The following ANK2 variants were observed in gnomAD, a reference collection of about 807,000 sequenced individuals.
ANK2 encodes the protein ankyrin-2.
Under a neutral mutation model 360.5 loss-of-function variants are expected in ANK2, and 83 were observed. The ratio of observed to expected loss-of-function variants is 0.23; its 90% CI spans 0.19 to 0.28. The LOEUF (loss-of-function observed/expected upper bound fraction) is 0.28, where lower values mean the gene tolerates loss of function less well. Among genes scored for constraint, ANK2 ranks in the 10% least tolerant of loss-of-function variants. The pLI, the probability that ANK2 is intolerant of heterozygous loss-of-function variation, is 1.00. For synonymous variants in ANK2, 1,740 were observed against 1,759.5 expected (o/e 0.99, Z 0.28); for missense variants, 4,201 against 4,795.7 (o/e 0.88, Z 3.66).
At chr4:113,352,752 T>G (rs1304702765) in intron 37 of ANK2, among the ~76,000 whole-genome samples, 1 of 152,152 alleles carries the variant, frequency 6.6e-6, no homozygotes, top group African/African-American at 2.4e-5. Context: ...TTTTTGTGTG[T>G]GTATGTGCGT....
intron 2 of ANK2, among the ~76,000 whole-genome samples, chr4:113,021,166 A>G (rs77260130): frequency 0.025 from 2,321 of 93,024 alleles, 46 homozygotes; most frequent in African/African-American, 0.08. Flanking sequence ...CTTCAAAAGC[A>G]CAGAGAGGGA....
the ANK2 span, among the ~76,000 whole-genome samples, chr4:112,720,937 T>G: frequency 6.6e-6 from 1 of 151,626 alleles, no homozygotes; most frequent in Non-Finnish European, 1.5e-5. Context: ...CTAGCTGTTG[T>G]TTTTTTTGAA....
At chr4:112,763,147 G>GC in the ANK2 span, among the ~76,000 whole-genome samples, 1 of 151,962 alleles carries the variant, frequency 6.6e-6, no homozygotes, top group Non-Finnish European at 1.5e-5. Flanking sequence ...CAGCCTTGAC[G>GC]CCCCCAGGCT....
chr4:113,224,219 G>C (rs1280077498), intron 4 of ANK2, among the ~76,000 whole-genome samples: 1 of 152,162 alleles, frequency 6.6e-6, no homozygotes, highest in African/African-American at 2.4e-5. Flanking sequence ...AGTGAGGAGT[G>C]TCAAAGAATT....
rs1021744187 is a variant in ANK2 at position 113,313,186 on chromosome 4, A to C, written c.2693+1787A>C. Reference sequence around the variant, plus strand: ...TGGTAGATTTGGACCTTATACTCTGAGATTCTTAAAAGATTTCAAATTTGA... The same window carrying C: ...TGGTAGATTTGGACCTTATACTCTGCGATTCTTAAAAGATTTCAAATTTGA... On this transcript the variant is annotated intron_variant, in intron 24 of 45. Transcript: ENST00000357077. Among the ~76,000 whole-genome samples, 5 of 152,292 alleles carry C rather than the reference A, an allele frequency of 3.3e-5. No individual in the cohort carries two copies. In the South Asian group the frequency reaches 1.0e-3, roughly 32 times the overall value.
chr4:113,042,753 T>C (rs775854688), intron 2 of ANK2, among the ~76,000 whole-genome samples: 6 of 152,188 alleles, frequency 3.9e-5, no homozygotes, highest in Non-Finnish European at 7.3e-5. Flanking sequence ...TCTCCAGTGC[T>C]GTTGTTTTTG....
chr4:113,022,400 A>C (rs962291540), intron 2 of ANK2, among the ~76,000 whole-genome samples: 1 of 152,168 alleles, frequency 6.6e-6, no homozygotes. Context: ...CCAACTGGAC[A>C]GGGCTCTAGT....
chr4:112,745,224 A>G, the ANK2 span, among the ~76,000 whole-genome samples: 2 of 152,238 alleles, frequency 1.3e-5, no homozygotes, highest in African/African-American at 4.8e-5. Context: ...AACACATCAC[A>G]TAAACACATC....
intron 1 of ANK2, among the ~76,000 whole-genome samples, chr4:113,097,888 A>G (rs1256528800): frequency 2.5e-5 from 3 of 119,116 alleles, no homozygotes; most frequent in Non-Finnish European, 5.0e-5. Flanking sequence ...ACACACACAC[A>G]CACGCACACA....
At chr4:112,900,684 A>G (rs970689016) in intron 1 of ANK2, among the ~76,000 whole-genome samples, 1 of 152,130 alleles carries the variant, frequency 6.6e-6, no homozygotes. Context: ...CCCTCTTTCC[A>G]TCTTTCTCCT....
chr4:112,880,089 C>T (rs2076298749), intron 1 of ANK2, among the ~76,000 whole-genome samples: 1 of 152,130 alleles, frequency 6.6e-6, no homozygotes, highest in African/African-American at 2.4e-5. Flanking sequence ...CACACACACA[C>T]ACATATACTC....
the ANK2 span, among the ~76,000 whole-genome samples, chr4:112,772,333 A>G: frequency 7.9e-5 from 12 of 152,322 alleles, 1 homozygote; most frequent in African/African-American, 1.4e-4. Context: ...ATTTACTACT[A>G]TGAGAACAGT....
the ANK2 span, among the ~76,000 whole-genome samples, chr4:112,754,111 G>GTATATA: frequency 5.8e-3 from 647 of 111,352 alleles, 2 homozygotes; most frequent in African/African-American, 0.017. Flanking sequence ...AAAAAAAAAA[G>GTATATA]TATATATATA....
At chr4:113,315,229 T>A (rs1434330897) in intron 24 of ANK2, among the ~76,000 whole-genome samples, 2 of 152,244 alleles carry the variant, frequency 1.3e-5, no homozygotes, top group African/African-American at 4.8e-5. Flanking sequence ...ATATACCGAT[T>A]GCAAAGTGCG....
intron 43 of ANK2, chr4:113,372,729 C>A: frequency 1.3e-6 from 1 of 762,316 alleles, no homozygotes; most frequent in Admixed American, 2.6e-5. Context: ...TTAGGTAGTG[C>A]ATGGCCATTC....
chr4:113,356,089 G>T lies in ANK2; in HGVS notation c.7471G>T (p.Ala2491Ser). 1 of 1,614,072 alleles carries T rather than the reference G, an allele frequency of 6.2e-7. No homozygotes were observed. The highest frequency in any genetic ancestry group is 8.5e-7 in the Non-Finnish European group (1 of 1,179,994). Residue 2491 changes from alanine to serine, a missense_variant, in exon 38 of 46, where the codon GCA becomes TCA. Ala to Ser is a moderately conservative substitution (Grantham distance 99). Transcript: ENST00000357077. ...TTTTCCAAGTCACTTTCCTCTTCCT[G>T]CAGCTGTTGCCAAAACAGAACTCTT... is the stretch of plus-strand genomic sequence containing the variant. ...GIFPSHFPLPAAVAKTELLTE... is the reference protein window; with the variant it reads ...GIFPSHFPLPSAVAKTELLTE...
In ANK2 at chr4:113,295,127, A is replaced by G. The variant is rs918659859; in HGVS notation, c.2475+1589A>G. 3.3e-5 allele frequency among the ~76,000 whole-genome samples: 5 copies of G among 152,258 alleles called. No homozygotes were observed. The South Asian group carries it at 8.3e-4, about 25-fold the overall frequency. On this transcript the variant is annotated intron_variant, in intron 22 of 45. Coordinates refer to ENST00000357077, the MANE Select transcript of ANK2 (RefSeq NM_001148.6). ...TTGTATCTCTTGCTATCTTGTACCT[A>G]CTTTGCTTCCATTCATTTCATTAAC...
At chr4:113,069,061 A>C (rs1043044867) in intron 1 of ANK2, among the ~76,000 whole-genome samples, 1 of 150,976 alleles carries the variant, frequency 6.6e-6, no homozygotes, top group Admixed American at 6.6e-5. Flanking sequence ...GTCTAATGAA[A>C]AGAAAAGAAA....
chr4:112,851,937 T>C (rs1579706224), intron 1 of ANK2, among the ~76,000 whole-genome samples: 1 of 152,350 alleles, frequency 6.6e-6, no homozygotes, highest in East Asian at 1.9e-4. Flanking sequence ...TACTTTTCTT[T>C]AAAATACTTC....
Sources: allele counts gnomAD v4.1 joint callset (sites outside exome capture counted in the v4.1 genomes callset), GRCh38; gene constraint gnomAD v4.1.1; transcripts MANE v1.5; gene names NCBI Gene and HGNC (gene_info 2026-07-23, HGNC 2026-07-21).